CCDC181: variants seen among roughly 807,000 people sequenced by gnomAD.
CCDC181 encodes coiled-coil domain-containing protein 181.
In CCDC181, 35 loss-of-function variants were observed where a neutral mutation model predicts 58.7. The ratio of observed to expected loss-of-function variants is 0.60; its 90% CI spans 0.46 to 0.79. The LOEUF (loss-of-function observed/expected upper bound fraction) is 0.79, where lower values mean the gene tolerates loss of function less well. CCDC181 is among the 30% of genes least tolerant of loss of function. CCDC181 has a pLI of 0.00. For synonymous variants in CCDC181, 183 were observed against 197.5 expected (o/e 0.93, Z 0.62); for missense variants, 517 against 583.9 (o/e 0.89, Z 1.18).
intron 4 of CCDC181, among the ~76,000 whole-genome samples, chr1:169,410,696 A>G (rs1313871169): frequency 6.6e-6 from 1 of 152,260 alleles, no homozygotes; most frequent in Non-Finnish European, 1.5e-5. Flanking sequence ...ACAGTCTCTC[A>G]GACCACAGTG....
At chr1:169,433,881 T>C (rs1048983053) in intron 2 of CCDC181, among the ~76,000 whole-genome samples, 2 of 152,056 alleles carry the variant, frequency 1.3e-5, no homozygotes, top group Non-Finnish European at 2.9e-5. Context: ...TTCTTAGATA[T>C]GACAGCAAAA....
chr1:169,440,740 A>T (rs1401640037), intron 2 of CCDC181, among the ~76,000 whole-genome samples: 1 of 151,998 alleles, frequency 6.6e-6, no homozygotes, highest in Non-Finnish European at 1.5e-5. Context: ...AACATGGCAA[A>T]ACCCCATCTC....
chr1:169,414,273 G>A (rs1656117699), intron 4 of CCDC181, among the ~76,000 whole-genome samples: 1 of 152,170 alleles, frequency 6.6e-6, no homozygotes, highest in Admixed American at 6.5e-5. Context: ...TTATCAGGAA[G>A]ACATAAAGTC....
At chr1:169,442,784 C>G (rs1172873951) in intron 2 of CCDC181, 1 of 151,852 alleles carries the variant, frequency 6.6e-6, no homozygotes, top group African/African-American at 2.4e-5. Context: ...AATAAACATA[C>G]TAAGTCATAT....
intron 4 of CCDC181, among the ~76,000 whole-genome samples, chr1:169,405,156 G>A (rs551379605): frequency 2.0e-4 from 30 of 152,074 alleles, no homozygotes; most frequent in Non-Finnish European, 4.0e-4. Flanking sequence ...AATGAAATAA[G>A]AGGACACAAA....
chr1:169,456,469 A>G (rs75644485), intron 2 of CCDC181, among the ~76,000 whole-genome samples: 2,230 of 152,244 alleles, frequency 0.015, 59 homozygotes, highest in African/African-American at 0.05. Flanking sequence ...TGTGGTTTCA[A>G]TGTTCCCTCC....
chr1:169,413,618 C>A (rs1456862619), intron 4 of CCDC181, among the ~76,000 whole-genome samples: 5 of 152,084 alleles, frequency 3.3e-5, no homozygotes, highest in Non-Finnish European at 5.9e-5. Context: ...TGAAACCAAC[C>A]CAAATGCCCA....
chr1:169,427,331 A>T lies in CCDC181; in HGVS notation c.-67T>A, dbSNP rs1395769530. ...CTGGGATCACAGAGATGGCCGGGGG[A>T]GTTCTCCTCTCCTCCTCTTTCTAAG... On this transcript the variant is annotated 5_prime_UTR_variant, in exon 1 of 6. Coordinates refer to ENST00000367806, the MANE Select transcript of CCDC181 (RefSeq NM_001300969.2). 6.6e-6 allele frequency: 1 copy of T among 152,206 alleles called. No individual in the cohort carries two copies. Among genetic ancestry groups the T allele is most frequent in the East Asian group, 1.9e-4 (1 of 5,168 alleles). The allele number at this position is 152,206 out of a possible 1,614,324, so 9.4% of individuals were successfully genotyped here.
chr1:169,420,367 G>A (rs1014802758), intron 3 of CCDC181, among the ~76,000 whole-genome samples: 2 of 150,898 alleles, frequency 1.3e-5, no homozygotes, highest in Non-Finnish European at 2.9e-5. Flanking sequence ...GTGTGCTAGA[G>A]GTTACACGTT....
intron 3 of CCDC181, among the ~76,000 whole-genome samples, chr1:169,420,552 A>G (rs1314681605): frequency 6.6e-6 from 1 of 152,118 alleles, no homozygotes; most frequent in African/African-American, 2.4e-5. Flanking sequence ...GTACAGATAT[A>G]CCTTGGTAAA....
At chr1:169,408,469 C>T (rs1015947587) in intron 4 of CCDC181, among the ~76,000 whole-genome samples, 1 of 152,254 alleles carries the variant, frequency 6.6e-6, no homozygotes, top group African/African-American at 2.4e-5. Flanking sequence ...GCGGGCACAG[C>T]TTCAGCAGAC....
intron 4 of CCDC181, among the ~76,000 whole-genome samples, chr1:169,397,872 A>G (rs1048572363): frequency 6.6e-6 from 1 of 152,204 alleles, no homozygotes; most frequent in Non-Finnish European, 1.5e-5. Context: ...CCTCATGTGG[A>G]TTCCTGGCTA....
intron 4 of CCDC181, among the ~76,000 whole-genome samples, chr1:169,415,897 G>A (rs986121149): frequency 6.6e-6 from 1 of 152,006 alleles, no homozygotes; most frequent in African/African-American, 2.4e-5. Flanking sequence ...CTCTGAAATC[G>A]CTAATTTCCT....
intron 2 of CCDC181, among the ~76,000 whole-genome samples, chr1:169,452,278 G>T (rs1657562755): frequency 6.6e-6 from 1 of 152,070 alleles, no homozygotes; most frequent in South Asian, 2.1e-4. Flanking sequence ...GGAAGAACAT[G>T]TTTCAATAAA....
intron 2 of CCDC181, among the ~76,000 whole-genome samples, chr1:169,455,216 T>C (rs1029072711): frequency 2.6e-5 from 4 of 151,968 alleles, no homozygotes; most frequent in African/African-American, 9.7e-5. Flanking sequence ...TATGTTTTCA[T>C]TTAAATTTTT....
chr1:169,405,245 T>C (rs989895521), intron 4 of CCDC181, among the ~76,000 whole-genome samples: 4 of 152,302 alleles, frequency 2.6e-5, no homozygotes, highest in African/African-American at 7.2e-5. Flanking sequence ...AGGTAATTTA[T>C]AGATTCAATG....
Position 169,421,362 on chromosome 1 carries a change from C to T in CCDC181, c.1068+1G>A. 6 of 1,597,052 alleles carry T rather than the reference C, an allele frequency of 3.8e-6. No individual in the cohort carries two copies. The highest frequency in any genetic ancestry group is 4.5e-5 in the East Asian group (2 of 44,770). On this transcript the variant is annotated splice_donor_variant, in intron 3 of 5. Transcript: ENST00000367806. LOFTEE classifies it high-confidence loss of function. ...AATATAATGCCCACTTAGGTTCTCA[C>T]CTCTCTTTTCAGTTTTTCTCTCTTT...
chr1:169,429,371 T>C (rs1482581019), upstream of CCDC181, among the ~76,000 whole-genome samples: 1 of 152,172 alleles, frequency 6.6e-6, no homozygotes, highest in Non-Finnish European at 1.5e-5. Flanking sequence ...CTTTAAAGAA[T>C]CTCCACACTG....
chr1:169,419,783 T>C (rs1351268843), intron 3 of CCDC181, among the ~76,000 whole-genome samples: 2 of 152,158 alleles, frequency 1.3e-5, no homozygotes, highest in Non-Finnish European at 2.9e-5. Flanking sequence ...CATTCAGGTA[T>C]ATTACACAGA....
Sources: gnomAD v4.1 joint callset for allele counts (sites outside exome capture counted in the v4.1 genomes callset) on GRCh38, gnomAD v4.1.1 for gene constraint, MANE v1.5 for transcripts, NCBI Gene and HGNC (gene_info 2026-07-23, HGNC 2026-07-21) for gene names.